SLC7A8: variants seen among roughly 807,000 people sequenced by gnomAD.
SLC7A8 encodes the protein large neutral amino acids transporter small subunit 2.
Under a neutral mutation model 51.2 loss-of-function variants are expected in SLC7A8, and 30 were observed. That is an observed-to-expected ratio of 0.59 (90% CI 0.44 to 0.80). SLC7A8 has a LOEUF of 0.80. SLC7A8 is among the 30% of genes least tolerant of loss of function. The probability of loss-of-function intolerance (pLI) is 0.00; values close to 1 mark genes in which losing one functional copy is unlikely to be tolerated. For synonymous variants in SLC7A8, 257 were observed against 275.8 expected, an observed-to-expected ratio of 0.93 and a Z score of 0.67; for missense variants, 612 against 674.4, an observed-to-expected ratio of 0.91 and a Z score of 1.03.
In SLC7A8 at chr14:23,141,827, C is replaced by T. The variant is rs78148694; in HGVS notation, c.635-1203G>A. Among the ~76,000 whole-genome samples the T allele has an allele frequency of 3.9e-5, 6 of 152,154 alleles. No homozygotes were observed. The East Asian group carries it at 5.8e-4, about 15-fold the overall frequency. On this transcript the variant is annotated intron_variant, in intron 4 of 10. Transcript: ENST00000316902. ...CTGTTTAAACTGCCTTCCCAGCCCC[C>T]CTAGCACAGTGTGCTGCAGACTGTG...
chr14:23,130,863 T>G (rs1422038452), intron 8 of SLC7A8, among the ~76,000 whole-genome samples: 1 of 152,240 alleles, frequency 6.6e-6, no homozygotes, highest in Non-Finnish European at 1.5e-5. Context: ...GACAAGTCTT[T>G]GTTCCTTCCT....
intron 1 of SLC7A8, among the ~76,000 whole-genome samples, chr14:23,178,780 T>C (rs1877033872): frequency 2.0e-5 from 3 of 148,214 alleles, no homozygotes. Flanking sequence ...TAAAAATTAT[T>C]AAGCTACTTG....
At chr14:23,149,815 C>T (rs1240638905) in intron 3 of SLC7A8, among the ~76,000 whole-genome samples, 1 of 152,212 alleles carries the variant, frequency 6.6e-6, no homozygotes, top group African/African-American at 2.4e-5. Context: ...GATTATAAGA[C>T]CATATTTTTA....
At chr14:23,140,784 G>C (rs1185278213) in intron 4 of SLC7A8, among the ~76,000 whole-genome samples, 160 bp from the exon 5 acceptor site, 2 of 152,170 alleles carry the variant, frequency 1.3e-5, no homozygotes, top group Non-Finnish European at 2.9e-5. Context: ...GGGATAAAGG[G>C]AGCAGGGAAT....
chr14:23,160,231 A>G (rs1027178669), intron 3 of SLC7A8, among the ~76,000 whole-genome samples: 1 of 152,048 alleles, frequency 6.6e-6, no homozygotes, highest in East Asian at 1.9e-4. Context: ...TTTGTTTACA[A>G]CTAGAGACCC....
chr14:23,172,111 GGTT>G (rs2048978035), intron 1 of SLC7A8, among the ~76,000 whole-genome samples: 1 of 152,210 alleles, frequency 6.6e-6, no homozygotes, highest in African/African-American at 2.4e-5. Context: ...ACCTCAACAG[GGTT>G]GTTGTGGGGA....
At chr14:23,148,473 C>T (rs2140321021) in intron 3 of SLC7A8, among the ~76,000 whole-genome samples, 1 of 152,262 alleles carries the variant, frequency 6.6e-6, no homozygotes, top group South Asian at 2.1e-4. Flanking sequence ...GGTGATCCAC[C>T]CACCTCGGCC....
At chr14:23,174,657 G>A (rs534346278) in intron 1 of SLC7A8, among the ~76,000 whole-genome samples, 6 of 152,330 alleles carry the variant, frequency 3.9e-5, no homozygotes, top group Middle Eastern at 3.4e-3. Context: ...TAATGTGCTC[G>A]GTGAGTGTTT....
At chr14:23,137,340 C>A (rs753786644) in intron 7 of SLC7A8, among the ~76,000 whole-genome samples, 1 of 152,194 alleles carries the variant, frequency 6.6e-6, no homozygotes, top group Non-Finnish European at 1.5e-5. Flanking sequence ...ACATTCTCCA[C>A]CTGAGTCTCA....
chr14:23,137,848 G>C, intron 7 of SLC7A8, 73 bp downstream of exon 7: 1 of 1,567,838 alleles, frequency 6.4e-7, no homozygotes. Context: ...ACAGAGACAA[G>C]CCCACCATAT....
Position 23,128,057 on chromosome 14 carries a change from TA to T in SLC7A8, c.1402del (p.Tyr468ThrfsTer16). 6.2e-7 allele frequency: 1 copy of T among 1,614,062 alleles called. No homozygotes were observed. Among genetic ancestry groups the T allele is most frequent in the Non-Finnish European group, 8.5e-7 (1 of 1,180,010 alleles). On this transcript the variant is annotated frameshift_variant, in exon 10 of 11. Transcript: ENST00000316902. LOFTEE classifies it low-confidence loss of function (END_TRUNC). The surrounding 1 kb of genome is among the most constrained non-coding windows in gnomAD (Gnocchi z 4.3). ...GAAACACTTGGGCTTGTGTTGCCAG[TA>T]AACACCCAGGAAATAGACAGGCACT... is the stretch of plus-strand genomic sequence containing the variant. ...TGVPVYFLGV[Y>X]WQHKPKCFSD...
intron 3 of SLC7A8, among the ~76,000 whole-genome samples, chr14:23,156,957 G>A (rs1020580073): frequency 3.3e-5 from 5 of 152,198 alleles, no homozygotes; most frequent in Non-Finnish European, 7.3e-5. Context: ...GAAGCACATT[G>A]AAACGAAGAA....
intron 1 of SLC7A8, among the ~76,000 whole-genome samples, chr14:23,168,186 C>A (rs1238448250): frequency 6.6e-6 from 1 of 152,198 alleles, no homozygotes; most frequent in Non-Finnish European, 1.5e-5. Flanking sequence ...CCTTTACAGA[C>A]TTTTCCTCTT....
In SLC7A8 at chr14:23,139,431, A is replaced by G. The variant is rs754007347; in HGVS notation, c.905T>C (p.Val302Ala). The G allele has an allele frequency of 3.7e-6, 6 of 1,614,048 alleles. No homozygotes were observed. The highest frequency in any genetic ancestry group is 1.7e-6 in the Non-Finnish European group (2 of 1,179,950). The change falls in exon 6 of 11, where the codon GTC (valine) becomes GCC (alanine). Residue 302 changes from valine (V) to alanine (A), a missense_variant. Transcript: ENST00000316902. ...GGGACTTTCATTTCTTACCACAGCG[A>G]CGGCGTTGGATGCCAGCAGCTCCTG... ...SPQELLASNA[V>A]AVTFGEKLLG...
chr14:23,136,258 G>A (rs2048689097), intron 7 of SLC7A8, among the ~76,000 whole-genome samples: 1 of 152,144 alleles, frequency 6.6e-6, no homozygotes, highest in African/African-American at 2.4e-5. Flanking sequence ...ACACATCCCT[G>A]TCCCCTCTCC....
At chr14:23,154,400 TG>T in intron 3 of SLC7A8, 2 of 995,942 alleles carry the variant, frequency 2.0e-6, no homozygotes. Context: ...GGCTGGAGGT[TG>T]GAGCCGCTGG....
intron 1 of SLC7A8, among the ~76,000 whole-genome samples, chr14:23,178,246 G>T (rs539952075): frequency 6.6e-6 from 1 of 152,194 alleles, no homozygotes; most frequent in African/African-American, 2.4e-5. Context: ...ATTAATAAAT[G>T]AACTTTGCTG....
At chr14:23,182,168 C>A (rs982727798) in intron 1 of SLC7A8, among the ~76,000 whole-genome samples, 4 of 152,152 alleles carry the variant, frequency 2.6e-5, no homozygotes, top group Admixed American at 6.5e-5. Context: ...ACAATCTGTC[C>A]CCTCTTTTCT....
chr14:23,139,353 T>C (rs1330372017), intron 6 of SLC7A8, 71 bp downstream of exon 6: 14 of 1,607,020 alleles, frequency 8.7e-6, no homozygotes, highest in Non-Finnish European at 1.2e-5. Flanking sequence ...CAGGGAAAAG[T>C]GAGTGGGGCT....
Sources: gnomAD v4.1 joint callset for allele counts (sites outside exome capture counted in the v4.1 genomes callset) on GRCh38, gnomAD v4.1.1 for gene constraint, Gnocchi (gnomAD v3.1) non-coding constraint, MANE v1.5 for transcripts, NCBI Gene and HGNC (gene_info 2026-07-23, HGNC 2026-07-21) for gene names.